The following PDE3A variants were observed in gnomAD, a reference collection of about 807,000 sequenced individuals.
PDE3A encodes cGMP-inhibited 3',5'-cyclic phosphodiesterase 3A.
PDE3A carries 43 observed loss-of-function variants against 98.3 expected under a neutral mutation model. The ratio of observed to expected loss-of-function variants is 0.44; its 90% CI spans 0.34 to 0.56. The LOEUF (loss-of-function observed/expected upper bound fraction) is 0.56, where lower values mean the gene tolerates loss of function less well. Among genes scored for constraint, PDE3A ranks in the 20% least tolerant of loss-of-function variants. The probability of loss-of-function intolerance (pLI) is 0.01; values close to 1 mark genes in which losing one functional copy is unlikely to be tolerated. For synonymous variants in PDE3A, 663 were observed against 567.9 expected, an observed-to-expected ratio of 1.17 and a Z score of -2.38; for missense variants, 1,427 against 1,440.7, an observed-to-expected ratio of 0.99 and a Z score of 0.15.
chr12:20,411,806 G>A (rs955360373), intron 1 of PDE3A, among the ~76,000 whole-genome samples: 1 of 152,078 alleles, frequency 6.6e-6, no homozygotes, highest in Non-Finnish European at 1.5e-5. Context: ...TAATGTCCCC[G>A]ACGTAGTCTA....
chr12:20,437,253 A>T (rs779806685), intron 1 of PDE3A, among the ~76,000 whole-genome samples: 2 of 152,160 alleles, frequency 1.3e-5, no homozygotes, highest in Non-Finnish European at 2.9e-5. Context: ...AAATTAGTTA[A>T]AAGTTTGTTA....
At chr12:20,606,581 G>A (rs575002695) in intron 2 of PDE3A, among the ~76,000 whole-genome samples, 2 of 152,012 alleles carry the variant, frequency 1.3e-5, no homozygotes, top group South Asian at 2.1e-4. Flanking sequence ...CAAATTGGCC[G>A]GGTGCGGTGG....
At chr12:20,635,577 CAAAA>C (rs770373365) in intron 8 of PDE3A, among the ~76,000 whole-genome samples, 1 of 120,300 alleles carries the variant, frequency 8.3e-6, no homozygotes, top group Admixed American at 8.6e-5. Context: ...GACTCTGTCT[CAAAA>C]AAAAAAAAAA....
Position 20,552,273 on chromosome 12 carries a change from C to T in PDE3A, c.961-4387C>T. 2 of 1,613,884 alleles carry T rather than the reference C, an allele frequency of 1.2e-6. No individual in the cohort carries two copies. The highest frequency in any genetic ancestry group is 8.5e-7 in the Non-Finnish European group (1 of 1,179,866). On this transcript the variant is annotated intron_variant, in intron 1 of 15. Transcript: ENST00000359062. The surrounding 1 kb of genome is among the most constrained non-coding windows in gnomAD (Gnocchi z 5.1). ...AGGGTGGCAAGAATAGCAAGTACGC[C>T]CCCGCTGAGGGCAACCGCTACGATG...
intron 1 of PDE3A, among the ~76,000 whole-genome samples, chr12:20,422,208 T>C (rs185055048): frequency 3.3e-5 from 5 of 152,128 alleles, no homozygotes; most frequent in Admixed American, 6.6e-5. Context: ...TAGCCGGGCA[T>C]GGTGGCGGGC....
intron 1 of PDE3A, among the ~76,000 whole-genome samples, chr12:20,411,171 T>A (rs1364527058): frequency 6.6e-6 from 1 of 152,226 alleles, no homozygotes; most frequent in Non-Finnish European, 1.5e-5. Flanking sequence ...ATCTTGGTCA[T>A]TTTTAAGTGC....
intron 1 of PDE3A, among the ~76,000 whole-genome samples, chr12:20,554,682 G>A (rs975671911): frequency 2.6e-4 from 39 of 151,692 alleles, no homozygotes; most frequent in South Asian, 6.3e-4. Flanking sequence ...GGCCTTTCAG[G>A]TTCAAGCGAT....
intron 1 of PDE3A, among the ~76,000 whole-genome samples, chr12:20,545,505 A>G (rs1942027224): frequency 6.6e-6 from 1 of 152,058 alleles, no homozygotes; most frequent in South Asian, 2.1e-4. Context: ...GAAAGGAAAA[A>G]TATCCGTTAA....
At chr12:20,651,985 T>C (rs1944930256) in intron 14 of PDE3A, among the ~76,000 whole-genome samples, 1 of 151,836 alleles carries the variant, frequency 6.6e-6, no homozygotes, top group South Asian at 2.1e-4. Context: ...GTTCTCATTG[T>C]TCAGTTCCCA....
At chr12:20,470,471 G>C (rs990546932) in intron 1 of PDE3A, among the ~76,000 whole-genome samples, 2 of 152,028 alleles carry the variant, frequency 1.3e-5, no homozygotes, top group Non-Finnish European at 2.9e-5. Context: ...TTTGAACCTA[G>C]AACCACCTGA....
At chr12:20,463,825 A>G (rs1945295583) in intron 1 of PDE3A, among the ~76,000 whole-genome samples, 1 of 152,104 alleles carries the variant, frequency 6.6e-6, no homozygotes, top group Non-Finnish European at 1.5e-5. Context: ...GGAACTGTTT[A>G]TATTTTGGCA....
intron 1 of PDE3A, among the ~76,000 whole-genome samples, chr12:20,423,761 C>CT (rs1469120079): frequency 6.6e-6 from 1 of 152,128 alleles, no homozygotes; most frequent in East Asian, 1.9e-4. Context: ...AGAGACAGTG[C>CT]TTCAGCTTCC....
intron 2 of PDE3A, among the ~76,000 whole-genome samples, chr12:20,578,099 G>C (rs1334293736): frequency 6.6e-6 from 1 of 152,130 alleles, no homozygotes; most frequent in Non-Finnish European, 1.5e-5. Flanking sequence ...TTATGCATTA[G>C]GTTTCACTTT....
At chr12:20,598,685 G>A (rs140421374) in intron 2 of PDE3A, among the ~76,000 whole-genome samples, 50 of 152,164 alleles carry the variant, frequency 3.3e-4, no homozygotes, top group African/African-American at 8.9e-4. Flanking sequence ...TGAAGCCTGG[G>A]GTACTTAGAG....
At chr12:20,551,845 C>T (rs1381166044) in intron 1 of PDE3A, 6 of 1,613,874 alleles carry the variant, frequency 3.7e-6, no homozygotes, top group Non-Finnish European at 4.2e-6. Flanking sequence ...CTGTGTGGGC[C>T]GCACCAAGGA....
chr12:20,606,611 G>A (rs1164772895), intron 2 of PDE3A, among the ~76,000 whole-genome samples: 1 of 151,592 alleles, frequency 6.6e-6, no homozygotes, highest in East Asian at 2.0e-4. Flanking sequence ...ATAATCCCAG[G>A]ACTTTGGGAG....
intron 15 of PDE3A, among the ~76,000 whole-genome samples, chr12:20,674,824 G>C (rs1421845766): frequency 3.3e-5 from 5 of 151,276 alleles, no homozygotes; most frequent in African/African-American, 1.2e-4. Flanking sequence ...TATTTTTGGA[G>C]GTCTTCTCAT....
At chr12:20,403,920 A>G (rs1464318208) in intron 1 of PDE3A, among the ~76,000 whole-genome samples, 1 of 152,044 alleles carries the variant, frequency 6.6e-6, no homozygotes, top group East Asian at 1.9e-4. Context: ...TAGGCACTCA[A>G]TTTCTGAAAA....
chr12:20,552,900 C>T lies in PDE3A; in HGVS notation c.961-3760C>T. Reference sequence around the variant, plus strand: ...ACAGATCCTTTCGGGCACAGGTGTTCAGCTGCCCTGCCTGCCGCTACGACC... The same window carrying T: ...ACAGATCCTTTCGGGCACAGGTGTTTAGCTGCCCTGCCTGCCGCTACGACC... On this transcript the variant is annotated intron_variant, in intron 1 of 15. Coordinates refer to ENST00000359062, the MANE Select transcript of PDE3A (RefSeq NM_000921.5). This position sits in a 1 kb window ranked among gnomAD's most constrained non-coding sequence, Gnocchi z 5.1. 3.7e-6 allele frequency: 6 copies of T among 1,608,528 alleles called. No individual in the cohort carries two copies. The highest frequency in any genetic ancestry group is 5.1e-6 in the Non-Finnish European group (6 of 1,177,546).
Sources: gnomAD v4.1 joint callset for allele counts (sites outside exome capture counted in the v4.1 genomes callset) on GRCh38, gnomAD v4.1.1 for gene constraint, Gnocchi (gnomAD v3.1) non-coding constraint, MANE v1.5 for transcripts, NCBI Gene and HGNC (gene_info 2026-07-23, HGNC 2026-07-21) for gene names.